The following U2AF2 variants were observed in gnomAD, a reference collection of about 807,000 sequenced individuals.
U2AF2 encodes the protein splicing factor U2AF 65 kDa subunit.
A neutral mutation model predicts 52.6 loss-of-function variants in U2AF2; 6 were observed. The observed-to-expected ratio is 0.11, with a 90% CI of 0.06 to 0.23. U2AF2 has a LOEUF of 0.23. Ranked by LOEUF, U2AF2 falls within the 10% of genes least tolerant of loss-of-function variation. U2AF2 has a pLI of 1.00. For synonymous variants in U2AF2, 284 were observed against 258.2 expected, an observed-to-expected ratio of 1.10 and a Z score of -0.96; for missense variants, 222 against 677.1, an observed-to-expected ratio of 0.33 and a Z score of 7.46.
At chr19:55,658,309 G>A (rs1400912059) in intron 1 of U2AF2, among the ~76,000 whole-genome samples, 1 of 36,496 alleles carries the variant, frequency 2.7e-5, no homozygotes, top group Non-Finnish European at 5.3e-5. Flanking sequence ...GCCCCCCCAT[G>A]CTCATGGTTT....
intron 1 of U2AF2, among the ~76,000 whole-genome samples, chr19:55,658,475 G>GC (rs1600069732): frequency 6.6e-6 from 1 of 152,110 alleles, no homozygotes; most frequent in African/African-American, 2.4e-5. Context: ...AGAGATACCC[G>GC]CCCCTACTCA....
intron 11 of U2AF2, among the ~76,000 whole-genome samples, chr19:55,670,249 G>A (rs1044297560): frequency 5.3e-5 from 8 of 152,070 alleles, no homozygotes; most frequent in Admixed American, 4.6e-4. Context: ...ACTCTGCTAA[G>A]TCCTGTCACC....
intron 6 of U2AF2, 78 bp downstream of exon 6, chr19:55,662,696 G>A: frequency 1.6e-6 from 2 of 1,281,368 alleles, no homozygotes; most frequent in Non-Finnish European, 2.2e-6. Flanking sequence ...GTTGTGTGGA[G>A]CTGCCTTGTG....
intron 1 of U2AF2, among the ~76,000 whole-genome samples, chr19:55,658,195 C>G (rs974536691): frequency 1.9e-4 from 29 of 152,110 alleles, no homozygotes; most frequent in Non-Finnish European, 8.8e-5. Flanking sequence ...TATATAAGCA[C>G]CTTAACGTGT....
chr19:55,666,544 C>G (rs1443459199), intron 7 of U2AF2, among the ~76,000 whole-genome samples: 1 of 152,216 alleles, frequency 6.6e-6, no homozygotes, highest in East Asian at 1.9e-4. Flanking sequence ...GGCAGATGCC[C>G]GGGCCATGGG....
At chr19:55,659,403 C>G (rs895188044) in intron 2 of U2AF2, 58 bp downstream of exon 2, 13 of 1,425,948 alleles carry the variant, frequency 9.1e-6, no homozygotes, top group African/African-American at 2.9e-5. Context: ...CGGTGTTGGC[C>G]GGCCTGTGGG....
At chr19:55,655,661 A>G (rs888097961) in intron 1 of U2AF2, among the ~76,000 whole-genome samples, 3 of 152,302 alleles carry the variant, frequency 2.0e-5, no homozygotes, top group Middle Eastern at 3.4e-3. Context: ...GGATGAGGGC[A>G]GAGCCGTTTC....
At chr19:55,661,683 C>A in intron 5 of U2AF2, 1 of 159,216 alleles carries the variant, frequency 6.3e-6, no homozygotes. Context: ...CCCACCACTC[C>A]TTTTCCCTCT....
intron 11 of U2AF2, among the ~76,000 whole-genome samples, chr19:55,672,588 C>G (rs1378302009): frequency 2.0e-5 from 3 of 152,128 alleles, no homozygotes; most frequent in Non-Finnish European, 4.4e-5. Context: ...GGGACACCCC[C>G]CCTCCTCCAG....
At position 55,659,458 on chromosome 19, in the gene U2AF2, G is replaced by C. The variant is rs572867432; in HGVS notation, c.185+113G>C. The C allele has an allele frequency of 7.0e-6, 9 of 1,286,932 alleles. No homozygotes were observed. The African/African-American group carries it at 9.3e-5, about 13-fold the overall frequency. The allele number at this position is 1,286,932 out of a possible 1,614,324, so 79.7% of individuals were successfully genotyped here. ...TCTGGGTCCGGGCCCTGTGTGGCTC[G>C]TTCGTTCTTTGTGTGGATCTGGGGG... On this transcript the variant is annotated intron_variant, in intron 2 of 11. Transcript: ENST00000308924.
At chr19:55,657,245 C>T (rs1166228194) in intron 1 of U2AF2, among the ~76,000 whole-genome samples, 3 of 152,226 alleles carry the variant, frequency 2.0e-5, no homozygotes, top group Admixed American at 1.3e-4. Flanking sequence ...AAGATGACCA[C>T]AATACAGTGT....
intron 7 of U2AF2, among the ~76,000 whole-genome samples, chr19:55,667,158 C>T (rs188634105): frequency 4.1e-4 from 63 of 152,138 alleles, no homozygotes; most frequent in Admixed American, 2.7e-3. Flanking sequence ...GTGGGGGCAG[C>T]GTCATCATGG....
chr19:55,666,619 C>T (rs1416039032), intron 7 of U2AF2, among the ~76,000 whole-genome samples: 1 of 152,238 alleles, frequency 6.6e-6, no homozygotes, highest in East Asian at 1.9e-4. Context: ...TTCTCACACA[C>T]GTGGCTCACA....
Position 55,660,157 on chromosome 19 carries a change from C to CG in U2AF2, c.186-20_186-19insG. On this transcript the variant is annotated intron_variant, in intron 2 of 11. Transcript: ENST00000308924. ...GGTCCCCAGTCACCCCTCCCCATAC[C>CG]TTTCCCTCCCACCCCCCAGCAAACC... The CG allele has an allele frequency of 6.3e-7, 1 of 1,594,266 alleles. No individual in the cohort carries two copies. The highest frequency in any genetic ancestry group is 8.6e-7 in the Non-Finnish European group (1 of 1,166,996).
chr19:55,666,970 A>G (rs982161087), intron 7 of U2AF2, among the ~76,000 whole-genome samples: 1 of 152,130 alleles, frequency 6.6e-6, no homozygotes, highest in African/African-American at 2.4e-5. Context: ...TATGTATAGC[A>G]TTGCAGTAGG....
At position 55,655,624 on chromosome 19, in the gene U2AF2, G is replaced by T. The variant is rs530829609; in HGVS notation, c.49+471G>T. On this transcript the variant is annotated intron_variant, in intron 1 of 11. Transcript: ENST00000308924. Reference sequence around the variant, plus strand: ...AAAATGGCGGTTGTGAGAACTTGGTGGGGGGGCCCCTTTCCTTCCTTCACG... The same window carrying T: ...AAAATGGCGGTTGTGAGAACTTGGTTGGGGGGCCCCTTTCCTTCCTTCACG... 2.2e-3 allele frequency among the ~76,000 whole-genome samples: 330 copies of T among 152,230 alleles called. 2 individuals carry two copies. Among genetic ancestry groups the T allele is most frequent in the South Asian group, 2.3e-3 (11 of 4,824 alleles).
intron 2 of U2AF2, among the ~76,000 whole-genome samples, chr19:55,659,587 A>G (rs1422571747): frequency 1.3e-5 from 2 of 151,088 alleles, no homozygotes; most frequent in Admixed American, 6.6e-5. Flanking sequence ...GCTGGGGGCA[A>G]TAGGCTCTTT....
intron 10 of U2AF2, 96 bp from the exon 11 acceptor site, chr19:55,669,348 C>T (rs777236626): frequency 1.6e-4 from 247 of 1,543,028 alleles, no homozygotes; most frequent in African/African-American, 2.5e-4. Context: ...GAGAGATGGC[C>T]TTTCCCCTGG....
At chr19:55,665,923 G>A (rs964633443) in intron 7 of U2AF2, among the ~76,000 whole-genome samples, 9 of 152,178 alleles carry the variant, frequency 5.9e-5, no homozygotes, top group South Asian at 2.1e-4. Context: ...GATTATAGGC[G>A]TGAGCCACTG....
Sources: gnomAD v4.1 joint callset for allele counts (sites outside exome capture counted in the v4.1 genomes callset) on GRCh38, gnomAD v4.1.1 for gene constraint, MANE v1.5 for transcripts, NCBI Gene and HGNC (gene_info 2026-07-23, HGNC 2026-07-21) for gene names.